The following NSD1 variants were observed in gnomAD, a reference collection of about 807,000 sequenced individuals.
NSD1 encodes nuclear receptor binding SET domain protein 1, also known as histone-lysine N-methyltransferase, H3 lysine-36 specific.
In NSD1, 26 loss-of-function variants were observed where a neutral mutation model predicts 242.7. The observed-to-expected ratio is 0.11, with a 90% CI of 0.08 to 0.15. NSD1 has a LOEUF of 0.15. Among genes scored for constraint, NSD1 ranks in the 10% least tolerant of loss-of-function variants. The pLI, the probability that NSD1 is intolerant of heterozygous loss-of-function variation, is 1.00. For synonymous variants in NSD1, 1,106 were observed against 1,178.1 expected, an observed-to-expected ratio of 0.94 and a Z score of 1.25; for missense variants, 2,495 against 3,272.8, an observed-to-expected ratio of 0.76 and a Z score of 5.80.
chr5:177,158,180 T>G (rs1715422161), intron 2 of NSD1, among the ~76,000 whole-genome samples: 1 of 152,318 alleles, frequency 6.6e-6, no homozygotes, highest in Admixed American at 6.5e-5. Flanking sequence ...ACAGCCAGAC[T>G]GTTTTACATA....
chr5:177,142,183 CT>C (rs1756880106), intron 2 of NSD1, among the ~76,000 whole-genome samples: 1 of 152,148 alleles, frequency 6.6e-6, no homozygotes, highest in Non-Finnish European at 1.5e-5. Context: ...CACGCATTTA[CT>C]TCTGTGTTCA....
At chr5:177,283,960 A>G (rs1364419809) in intron 20 of NSD1, 32 bp downstream of exon 20, 2 of 1,613,828 alleles carry the variant, frequency 1.2e-6, no homozygotes, top group South Asian at 1.1e-5. Flanking sequence ...TGCAGCTGAC[A>G]TCTGAATTTC....
intron 4 of NSD1, among the ~76,000 whole-genome samples, chr5:177,207,644 GT>G (rs1315743243): frequency 8.7e-6 from 1 of 114,600 alleles, no homozygotes; most frequent in African/African-American, 3.5e-5. Flanking sequence ...GGGTCTCCCT[GT>G]GTTTCCCAGG....
At position 177,134,458 on chromosome 5, in the gene NSD1, C is replaced by T. The variant is rs555908037; in HGVS notation, c.-18+506C>T. ...CCTGACTGGGCTTCGCTGGCCGCCT[C>T]GGTTTCTCCCTCTGCCGGGTCCAGG... On this transcript the variant is annotated intron_variant, in intron 1 of 22. Transcript: ENST00000439151. The surrounding 1 kb of genome is among the most constrained non-coding windows in gnomAD (Gnocchi z 4.2). Among the ~76,000 whole-genome samples, 26 of 152,306 alleles carry T rather than the reference C, an allele frequency of 1.7e-4. No homozygotes were observed. The highest frequency in any genetic ancestry group is 6.3e-4 in the African/African-American group (26 of 41,586).
chr5:177,182,144 T>C (rs1271487774), intron 2 of NSD1, among the ~76,000 whole-genome samples: 2 of 139,128 alleles, frequency 1.4e-5, no homozygotes, highest in South Asian at 4.7e-4. Context: ...AGAGTGAGAC[T>C]CCGTCTCAAA....
intron 2 of NSD1, among the ~76,000 whole-genome samples, chr5:177,155,232 G>A (rs1249040367): frequency 2.6e-5 from 4 of 151,634 alleles, no homozygotes; most frequent in East Asian, 1.9e-4. Context: ...CAGGGGATCC[G>A]CCCACCTTGG....
At chr5:177,264,660 A>G (rs1280339107) in intron 14 of NSD1, 2 of 465,850 alleles carry the variant, frequency 4.3e-6, no homozygotes, top group East Asian at 4.7e-5. Flanking sequence ...CCTGGCCCCA[A>G]CAAAAACAAA....
intron 15 of NSD1, among the ~76,000 whole-genome samples, chr5:177,268,049 A>G (rs1168982158): frequency 6.6e-6 from 1 of 151,160 alleles, no homozygotes; most frequent in Non-Finnish European, 1.5e-5. Flanking sequence ...ACGTACCAAT[A>G]CGCAGTTATG....
chr5:177,255,937 C>T (rs1756413706), intron 12 of NSD1, among the ~76,000 whole-genome samples: 1 of 152,118 alleles, frequency 6.6e-6, no homozygotes, highest in African/African-American at 2.4e-5. Context: ...AAAGAATCTC[C>T]ATGTATTCAG....
rs371421105 is a variant in NSD1, at chr5:177,210,824, G to C, written c.2425G>C (p.Glu809Gln). The C allele has an allele frequency of 6.2e-7, 1 of 1,614,196 alleles. No individual in the cohort carries two copies. Among genetic ancestry groups the C allele is most frequent in the South Asian group, 1.1e-5 (1 of 91,082 alleles). ...GGCAGAACCCCCAGTTATAAATGAG[G>C]AGTGCAGTTTGAAATGCTGCTCTTC... The part of the protein sequence containing the change: ...VMAEPPVINE[E>Q]CSLKCCSSDT... The change falls in exon 5 of 23, where the codon GAG (glutamate) becomes CAG (glutamine). Residue 809 changes from glutamate to glutamine, a missense_variant. By Grantham distance (29) the Glu-to-Gln change is conservative. Around this residue, in one of 19 missense-constraint regions of NSD1, gnomAD observed 515 missense variants for 467.0 expected, o/e 1.10. Transcript: ENST00000439151.
chr5:177,195,037 C>T (rs1257847294), intron 3 of NSD1, among the ~76,000 whole-genome samples: 1 of 151,988 alleles, frequency 6.6e-6, no homozygotes, highest in Non-Finnish European at 1.5e-5. Context: ...CATGCTCCTA[C>T]AATCCCAGCT....
intron 19 of NSD1, among the ~76,000 whole-genome samples, chr5:177,282,845 A>G (rs1421115231): frequency 1.3e-5 from 2 of 152,200 alleles, no homozygotes; most frequent in Non-Finnish European, 2.9e-5. Flanking sequence ...TTTTTTCTAC[A>G]GGATTACAAG....
intron 2 of NSD1, among the ~76,000 whole-genome samples, chr5:177,148,243 A>C (rs887429308): frequency 6.7e-6 from 1 of 148,924 alleles, no homozygotes; most frequent in East Asian, 2.0e-4. Flanking sequence ...TCAGCCTCGC[A>C]TGTAGCTGGG....
At chr5:177,250,730 A>G (rs1303783164) in intron 11 of NSD1, among the ~76,000 whole-genome samples, 7 of 152,202 alleles carry the variant, frequency 4.6e-5, no homozygotes, top group African/African-American at 1.2e-4. Context: ...GAGTTCCCCT[A>G]TCAATTCCAG....
Position 177,283,922 on chromosome 5 carries a change from A to G in NSD1, c.6145A>G (p.Lys2049Glu). ...AGGCCTTTTTGCACTAAGTGACATT[A>G]AAGCAGGTAAGAATCATTTCAGGAT... ...RVGLFALSDI[K>E]AGTELTFNYN... is the part of the protein sequence containing the mutation. Residue 2049 changes from lysine to glutamate, a missense_variant, in exon 20 of 23, where the codon AAA becomes GAA. Lys to Glu is a moderately conservative substitution (Grantham distance 56). This residue lies in a region of NSD1 where 26 missense variants were observed against 119.1 expected (regional missense o/e 0.22). Coordinates refer to ENST00000439151, the MANE Select transcript of NSD1 (RefSeq NM_022455.5). 6.2e-7 allele frequency: 1 copy of G among 1,614,240 alleles called. No homozygotes were observed. The highest frequency in any genetic ancestry group is 8.5e-7 in the Non-Finnish European group (1 of 1,180,044).
intron 14 of NSD1, among the ~76,000 whole-genome samples, chr5:177,261,577 C>T (rs913100387): frequency 2.0e-5 from 3 of 152,044 alleles, no homozygotes; most frequent in African/African-American, 4.8e-5. Flanking sequence ...TCTTGGTTGT[C>T]TGAACTTTTG....
At chr5:177,206,977 C>A (rs919212560) in intron 4 of NSD1, among the ~76,000 whole-genome samples, 6 of 151,944 alleles carry the variant, frequency 3.9e-5, no homozygotes, top group Non-Finnish European at 5.9e-5. Flanking sequence ...CACTCTGTCG[C>A]CCCAGCTGGA....
chr5:177,154,961 G>A (rs1758002559), intron 2 of NSD1, among the ~76,000 whole-genome samples: 1 of 151,540 alleles, frequency 6.6e-6, no homozygotes, highest in East Asian at 1.9e-4. Context: ...CTCCCAAAGT[G>A]CTGGGATTAC....
At chr5:177,133,341 G>C (rs1444403972), upstream of NSD1, among the ~76,000 whole-genome samples, 1 of 152,184 alleles carries the variant, frequency 6.6e-6, no homozygotes, top group Non-Finnish European at 1.5e-5. The surrounding 1 kb of genome is among the most constrained non-coding windows in gnomAD (Gnocchi z 6.2). Context: ...GCCTGGGTTG[G>C]GGTTCGAGAC....
Sources: gnomAD v4.1 joint callset for allele counts (sites outside exome capture counted in the v4.1 genomes callset) on GRCh38, gnomAD v4.1.1 for gene constraint, gnomAD v4.1.1 regional missense constraint, Gnocchi (gnomAD v3.1) non-coding constraint, MANE v1.5 for transcripts, NCBI Gene and HGNC (gene_info 2026-07-23, HGNC 2026-07-21) for gene names.